MAPK10: variants seen among roughly 807,000 people sequenced by gnomAD.
MAPK10 encodes mitogen-activated protein kinase 10, also known as JNK3 alpha protein kinase.
Under a neutral mutation model 59.3 loss-of-function variants are expected in MAPK10, and 25 were observed. That is an observed-to-expected ratio of 0.42 (90% confidence interval 0.31 to 0.59). The LOEUF (loss-of-function observed/expected upper bound fraction) is 0.59. Ranked by LOEUF, MAPK10 falls within the 20% of genes least tolerant of loss-of-function variation. The pLI is 0.15. For missense variants in MAPK10, 351 were observed against 568.9 expected, an observed-to-expected ratio of 0.62 and a Z score of 3.90; for synonymous variants, 190 against 200.5, an observed-to-expected ratio of 0.95 and a Z score of 0.44.
At chr4:86,447,835 T>C (rs927153617) in intron 1 of MAPK10, among the ~76,000 whole-genome samples, 32 of 152,338 alleles carry the variant, frequency 2.1e-4, no homozygotes, top group Admixed American at 3.3e-4. Flanking sequence ...ATTATCAGTA[T>C]AATACATATA....
intron 3 of MAPK10, among the ~76,000 whole-genome samples, chr4:86,182,486 A>G (rs17011432): frequency 0.085 from 12,914 of 152,136 alleles, 1,214 homozygotes; most frequent in African/African-American, 0.23. Flanking sequence ...GTTTTTTAAG[A>G]TCTTTGAGTA....
chr4:86,510,493 T>C (rs1756138861), intron 1 of MAPK10, among the ~76,000 whole-genome samples: 1 of 151,934 alleles, frequency 6.6e-6, no homozygotes, highest in Non-Finnish European at 1.5e-5. Context: ...AATGAAAATG[T>C]CATGTATATA....
At chr4:86,068,222 TAA>T (rs1347595140) in intron 9 of MAPK10, among the ~76,000 whole-genome samples, 3 of 151,552 alleles carry the variant, frequency 2.0e-5, no homozygotes, top group Admixed American at 6.6e-5. Flanking sequence ...GGTGTACAGA[TAA>T]AAAGTCATTC....
At chr4:86,444,259 A>C (rs1749753146) in intron 1 of MAPK10, among the ~76,000 whole-genome samples, 3 of 152,300 alleles carry the variant, frequency 2.0e-5, no homozygotes, top group South Asian at 4.1e-4. Context: ...TAAATGCCCC[A>C]AAACTACAAA....
intron 1 of MAPK10, among the ~76,000 whole-genome samples, chr4:86,379,653 C>T (rs545009364): frequency 1.8e-4 from 28 of 152,346 alleles, no homozygotes; most frequent in Admixed American, 1.4e-3. Flanking sequence ...GCTCCTGCTG[C>T]GGATAACTAG....
At chr4:86,429,171 C>T (rs992689573) in intron 1 of MAPK10, among the ~76,000 whole-genome samples, 1 of 152,102 alleles carries the variant, frequency 6.6e-6, no homozygotes, top group African/African-American at 2.4e-5. Flanking sequence ...CAATTGAACA[C>T]ATAATTACTA....
intron 4 of MAPK10, among the ~76,000 whole-genome samples, chr4:86,158,554 A>G (rs2068550040): frequency 6.6e-6 from 1 of 151,768 alleles, no homozygotes. Flanking sequence ...CATGCCCTGA[A>G]TTTTTACTTA....
At chr4:86,068,936 T>C (rs1450899103) in intron 9 of MAPK10, among the ~76,000 whole-genome samples, 1 of 152,168 alleles carries the variant, frequency 6.6e-6, no homozygotes, top group Non-Finnish European at 1.5e-5. Context: ...AATAGAGATC[T>C]TGGAAATTCC....
intron 1 of MAPK10, among the ~76,000 whole-genome samples, chr4:86,499,062 T>G (rs1755104205): frequency 6.6e-6 from 1 of 152,166 alleles, no homozygotes; most frequent in Non-Finnish European, 1.5e-5. Context: ...TAAGTTAATA[T>G]TCACATCCTT....
At chr4:86,292,260 T>A (rs1381706240) in intron 2 of MAPK10, among the ~76,000 whole-genome samples, 1 of 152,200 alleles carries the variant, frequency 6.6e-6, no homozygotes, top group Non-Finnish European at 1.5e-5. Context: ...AATGTATTGA[T>A]CTCAATGGCT....
intron 2 of MAPK10, among the ~76,000 whole-genome samples, chr4:86,347,836 T>C (rs941745672): frequency 3.3e-5 from 5 of 152,136 alleles, no homozygotes; most frequent in Admixed American, 1.3e-4. Flanking sequence ...CATCTCCTAA[T>C]ACCATCTCCT....
At chr4:86,349,321 G>A (rs1729917932) in intron 2 of MAPK10, among the ~76,000 whole-genome samples, 1 of 152,054 alleles carries the variant, frequency 6.6e-6, no homozygotes, top group Non-Finnish European at 1.5e-5. Flanking sequence ...TTAGCTATGT[G>A]TTTTTTTCTT....
intron 1 of MAPK10, among the ~76,000 whole-genome samples, chr4:86,404,118 A>G (rs1744067315): frequency 6.6e-6 from 1 of 152,174 alleles, no homozygotes; most frequent in African/African-American, 2.4e-5. Context: ...ATTAGAGCCT[A>G]TATTAGCTAT....
chr4:86,379,174 C>T (rs1038939771), intron 1 of MAPK10, among the ~76,000 whole-genome samples: 5 of 152,150 alleles, frequency 3.3e-5, no homozygotes, highest in African/African-American at 1.2e-4. Flanking sequence ...ATTCTGCAGC[C>T]CAACGAATCC....
chr4:86,177,814 T>C (rs140594290), intron 3 of MAPK10, among the ~76,000 whole-genome samples: 69 of 152,122 alleles, frequency 4.5e-4, no homozygotes, highest in African/African-American at 1.5e-3. Flanking sequence ...TAATAGTAAA[T>C]CAAGTGATCA....
chr4:86,034,275 T>G (rs920361451), intron 11 of MAPK10, among the ~76,000 whole-genome samples: 2 of 152,222 alleles, frequency 1.3e-5, no homozygotes, highest in Non-Finnish European at 2.9e-5. Context: ...TTTGGAAGAT[T>G]TGAACTTCCT....
chr4:86,430,428 C>T (rs1158105235), intron 1 of MAPK10, among the ~76,000 whole-genome samples: 1 of 152,054 alleles, frequency 6.6e-6, no homozygotes, highest in African/African-American at 2.4e-5. Context: ...ACCAAGTATC[C>T]ATTGTGTGTT....
chr4:86,367,799 AC>A (rs759675187), intron 1 of MAPK10, among the ~76,000 whole-genome samples: 5 of 151,842 alleles, frequency 3.3e-5, no homozygotes, highest in African/African-American at 4.8e-5. Flanking sequence ...TTGTTTCTTG[AC>A]CTTGCTGCAG....
chr4:86,049,155 A>G (rs979079870), intron 11 of MAPK10, among the ~76,000 whole-genome samples: 1 of 152,098 alleles, frequency 6.6e-6, no homozygotes, highest in Admixed American at 6.6e-5. Context: ...TTTATTTCCA[A>G]TTAATTAACA....
Sources: gnomAD v4.1 joint callset for allele counts (sites outside exome capture counted in the v4.1 genomes callset) on GRCh38, gnomAD v4.1.1 for gene constraint, MANE v1.5 for transcripts, NCBI Gene and HGNC (gene_info 2026-07-23, HGNC 2026-07-21) for gene names.